The following HRH1 variants were observed in gnomAD, a reference collection of about 807,000 sequenced individuals.
The protein encoded by HRH1 is histamine H1 receptor.
Under a neutral mutation model 10.3 loss-of-function variants are expected in HRH1, and 6 were observed. That is an observed-to-expected ratio of 0.58 (90% CI 0.32 to 1.15). HRH1 has a LOEUF of 1.15. HRH1 is among the 50% of genes most tolerant of loss of function. The probability of loss-of-function intolerance (pLI) is 0.05; values close to 1 mark genes in which losing one functional copy is unlikely to be tolerated. For missense variants in HRH1, 514 were observed against 615.3 expected (o/e 0.84, Z 1.74); for synonymous variants, 242 against 236.7 (o/e 1.02, Z -0.21).
intron 1 of HRH1, among the ~76,000 whole-genome samples, chr3:11,227,724 T>A (rs1938934228): frequency 6.6e-6 from 1 of 152,218 alleles, no homozygotes; most frequent in Admixed American, 6.5e-5. Context: ...CTTTGTGGTT[T>A]CTTGACTTGC....
rs567961821 is a variant in HRH1, at chr3:11,171,436, G to A, written c.-36+16882G>A. On this transcript the variant is annotated intron_variant, in intron 1 of 1. Coordinates refer to ENST00000431010, the MANE Select transcript of HRH1 (RefSeq NM_001098212.2). ...TGGCCAGGGTTGCAGGGTTTTGACT[G>A]CCCATTCATTCTCTGGGATCTTGCT... 2.0e-5 allele frequency among the ~76,000 whole-genome samples: 3 copies of A among 152,160 alleles called. No individual in the cohort carries two copies. The South Asian group carries it at 6.2e-4, about 32-fold the overall frequency.
intron 1 of HRH1, among the ~76,000 whole-genome samples, chr3:11,210,777 A>G (rs929342136): frequency 6.7e-6 from 1 of 148,194 alleles, no homozygotes; most frequent in African/African-American, 2.5e-5. Context: ...TATGCAACAG[A>G]GCAAGATCCT....
chr3:11,169,163 C>T lies in HRH1; in HGVS notation c.-36+14609C>T, dbSNP rs572854514. ...ATGTGACTCGGAGCATGTCCCTTCT[C>T]TCTGTGCCTCAGTCTCCTCCTCTGT... On this transcript the variant is annotated intron_variant, in intron 1 of 1. Transcript: ENST00000431010. Among the ~76,000 whole-genome samples the T allele has an allele frequency of 5.9e-5, 9 of 152,366 alleles. No homozygotes were observed. The South Asian group carries it at 1.7e-3, about 28-fold the overall frequency.
intron 1 of HRH1, among the ~76,000 whole-genome samples, chr3:11,161,986 A>G (rs1050855029): frequency 6.6e-6 from 1 of 152,210 alleles, no homozygotes; most frequent in Non-Finnish European, 1.5e-5. Context: ...TGTCATGGTT[A>G]TTACTAATCA....
chr3:11,140,471 C>A (rs1036410768), intron 1 of HRH1, among the ~76,000 whole-genome samples: 1 of 152,106 alleles, frequency 6.6e-6, no homozygotes, highest in African/African-American at 2.4e-5. Context: ...TCTTTCCACT[C>A]CAGCTATGTT....
intron 1 of HRH1, among the ~76,000 whole-genome samples, chr3:11,255,163 T>C (rs1351302840): frequency 6.6e-6 from 1 of 152,180 alleles, no homozygotes; most frequent in Non-Finnish European, 1.5e-5. Flanking sequence ...AAGAGGAATT[T>C]ATCATCTCTG....
At chr3:11,217,017 C>T (rs2125037649) in intron 1 of HRH1, among the ~76,000 whole-genome samples, 1 of 151,956 alleles carries the variant, frequency 6.6e-6, no homozygotes, top group East Asian at 1.9e-4. Context: ...AACTCCATCT[C>T]TACTAAAAAT....
At chr3:11,238,069 G>T (rs1939235718) in intron 1 of HRH1, among the ~76,000 whole-genome samples, 1 of 125,088 alleles carries the variant, frequency 8.0e-6, no homozygotes, top group Admixed American at 8.9e-5. Flanking sequence ...TGTTTGTTTT[G>T]CCATTTAGTG....
intron 1 of HRH1, among the ~76,000 whole-genome samples, chr3:11,214,743 T>C (rs1020965858): frequency 2.0e-5 from 3 of 152,250 alleles, no homozygotes. Context: ...TAAAGCCTTC[T>C]GTAACCTGAG....
At position 11,263,060 on chromosome 3, in the gene HRH1, C is replaced by T. The variant is rs201613799; in HGVS notation, c.*2559C>T. 1.8e-5 allele frequency: 3 copies of T among 167,076 alleles called. No homozygotes were observed. Among genetic ancestry groups the T allele is most frequent in the African/African-American group, 4.8e-5 (2 of 41,446 alleles). The allele number at this position is 167,076 out of a possible 1,614,324, so 10.3% of individuals were successfully genotyped here. On this transcript the variant is annotated 3_prime_UTR_variant, in exon 2 of 2. Transcript: ENST00000431010. ...GCCCAGAGAGATTGAGGAACTGCTC[C>T]GAGGTCTGATTCTGGAATGTGCTTC...
intron 1 of HRH1, among the ~76,000 whole-genome samples, chr3:11,204,528 G>A (rs1938045298): frequency 6.6e-6 from 1 of 152,106 alleles, no homozygotes; most frequent in Non-Finnish European, 1.5e-5. Context: ...AGCATGGAAG[G>A]GAGGATGAAA....
chr3:11,246,168 C>T lies in HRH1; in HGVS notation c.-35-12835C>T, dbSNP rs566543250. On this transcript the variant is annotated intron_variant, in intron 1 of 1. Coordinates refer to ENST00000431010, the MANE Select transcript of HRH1 (RefSeq NM_001098212.2). ...CACACTCATACAGCCCAGCAAGCAG[C>T]GGAGCAAGGGTGAGGACTCAGCTCC... Among the ~76,000 whole-genome samples, 7 of 152,216 alleles carry T rather than the reference C, an allele frequency of 4.6e-5. No individual in the cohort carries two copies. The South Asian group carries it at 1.5e-3, about 32-fold the overall frequency.
rs1306867201 is a variant in HRH1, at chr3:11,210,403, A to C, written c.-35-48600A>C. ...AACGAGACCCTGTCTCAAAAAAATA[A>C]ATAAATAAATGGGGTTAATAATCCC... On this transcript the variant is annotated intron_variant, in intron 1 of 1. Transcript: ENST00000431010. Among the ~76,000 whole-genome samples, 10 of 152,158 alleles carry C rather than the reference A, an allele frequency of 6.6e-5. 1 individual carries two copies. Among genetic ancestry groups the C allele is most frequent in the Non-Finnish European group, 1.5e-4 (10 of 68,034 alleles).
At chr3:11,149,129 A>G (rs1334846027) in intron 1 of HRH1, among the ~76,000 whole-genome samples, 1 of 152,114 alleles carries the variant, frequency 6.6e-6, no homozygotes, top group Non-Finnish European at 1.5e-5. Flanking sequence ...AATGTTCTTG[A>G]CCTCAGTTTC....
At chr3:11,228,620 C>T (rs976466480) in intron 1 of HRH1, among the ~76,000 whole-genome samples, 2 of 151,248 alleles carry the variant, frequency 1.3e-5, no homozygotes, top group African/African-American at 4.9e-5. Flanking sequence ...TGAATTCATT[C>T]TGTAGAATAT....
intron 1 of HRH1, among the ~76,000 whole-genome samples, chr3:11,178,159 A>G (rs969145767): frequency 1.3e-5 from 2 of 152,124 alleles, no homozygotes; most frequent in African/African-American, 4.8e-5. Flanking sequence ...TCTCATGCAT[A>G]CTTTGTTCCT....
chr3:11,246,035 C>T (rs1449056330), intron 1 of HRH1, among the ~76,000 whole-genome samples: 1 of 150,400 alleles, frequency 6.6e-6, no homozygotes, highest in Non-Finnish European at 1.5e-5. Context: ...CTCATACACA[C>T]ACTCACACAT....
intron 1 of HRH1, among the ~76,000 whole-genome samples, chr3:11,252,013 C>T (rs530077012): frequency 9.2e-5 from 14 of 152,238 alleles, no homozygotes; most frequent in African/African-American, 2.6e-4. Context: ...TTTACATTGA[C>T]GAAAAGATGG....
At chr3:11,202,763 A>C (rs143425089) in intron 1 of HRH1, among the ~76,000 whole-genome samples, 181 of 152,282 alleles carry the variant, frequency 1.2e-3, no homozygotes, top group Non-Finnish European at 2.0e-3. Context: ...ATGACACATC[A>C]TTGTCACCCA....
Sources: allele counts gnomAD v4.1 joint callset (sites outside exome capture counted in the v4.1 genomes callset), GRCh38; gene constraint gnomAD v4.1.1; transcripts MANE v1.5; gene names NCBI Gene and HGNC (gene_info 2026-07-23, HGNC 2026-07-21).